FBXL18: variants seen among roughly 807,000 people sequenced by gnomAD.
FBXL18 encodes the protein F-box/LRR-repeat protein 18.
Under a neutral mutation model 46.0 loss-of-function variants are expected in FBXL18, and 36 were observed. The observed-to-expected ratio is 0.78, with a 90% CI of 0.60 to 1.03. FBXL18 has a LOEUF of 1.03. Ranked by LOEUF, FBXL18 falls within the 50% of genes least tolerant of loss-of-function variation. FBXL18 has a pLI of 0.00. For missense variants in FBXL18, 977 were observed against 1,004.1 expected (o/e 0.97, Z 0.36); for synonymous variants, 557 against 465.3 (o/e 1.20, Z -2.54).
rs781420503 is a variant in FBXL18, at chr7:5,501,479, C to T, written c.790G>A (p.Ala264Thr). The change falls in exon 3 of 5, where the codon GCC becomes ACC. Residue 264 changes from alanine (A) to threonine (T), a missense_variant. Physicochemically the swap from Ala to Thr is moderately conservative, Grantham distance 58 (BLOSUM62 0). Transcript: ENST00000382368. ...CTGCCAGGGACGGAGATGAGGAAGG[C>T]GTGGAGGTTCTGAGGAGTGCGGTCG... Reference protein sequence around the residue: ...LSDRTPQNLHAFLISVPGSFA... With the variant: ...LSDRTPQNLHTFLISVPGSFA... The T allele has an allele frequency of 6.8e-6, 11 of 1,613,622 alleles. No individual in the cohort carries two copies. Among genetic ancestry groups the T allele is most frequent in the Admixed American group, 5.0e-5 (3 of 59,992 alleles).
intron 4 of FBXL18, among the ~76,000 whole-genome samples, chr7:5,459,739 CAA>C (rs747295023): frequency 4.3e-5 from 4 of 92,418 alleles, no homozygotes; most frequent in Non-Finnish European, 7.2e-5. Context: ...GACTCCATCT[CAA>C]AAAAAAAAAA....
At position 5,468,369 on chromosome 7, in the gene FBXL18, G is replaced by C. The variant is rs1393294151; in HGVS notation, c.2001-20526C>G. Among the ~76,000 whole-genome samples, 6 of 152,230 alleles carry C rather than the reference G, an allele frequency of 3.9e-5. No homozygotes were observed. The East Asian group carries it at 9.6e-4, about 24-fold the overall frequency. On this transcript the variant is annotated intron_variant and NMD_transcript_variant, in intron 4 of 6. Coordinates refer to the FBXL18 transcript ENST00000415009. ...CCTGACCTCATGATCTGCCCGCCTT[G>C]GCCTCCCAAAGTGCTGGGATTACAG... is the stretch of plus-strand genomic sequence containing the variant.
intron 4 of FBXL18, among the ~76,000 whole-genome samples, chr7:5,469,027 C>T (rs1461402487): frequency 6.6e-6 from 1 of 151,890 alleles, no homozygotes; most frequent in African/African-American, 2.4e-5. Context: ...TGTGATGAGA[C>T]ATAGGAGACT....
rs1264552005 is a variant in FBXL18 at position 5,500,926 on chromosome 7, A to C, written c.1343T>G (p.Phe448Cys). ...QPAMHAVPRG[F>C]GKKVRVGVQS... ...CACGCCCACACGCACTTTCTTGCCA[A>C]AGCCGCGCGGCACTGCGTGCATGGC... Residue 448 changes from phenylalanine to cysteine, a missense_variant, in exon 3 of 5, where the codon TTT becomes TGT. Physicochemically the swap from Phe to Cys is radical, Grantham distance 205 (BLOSUM62 -2). Coordinates refer to ENST00000382368, the MANE Select transcript of FBXL18 (RefSeq NM_024963.6). 6.4e-7 allele frequency: 1 copy of C among 1,563,192 alleles called. No homozygotes were observed. Among genetic ancestry groups the C allele is most frequent in the Admixed American group, 1.9e-5 (1 of 51,704 alleles).
intron 4 of FBXL18, among the ~76,000 whole-genome samples, chr7:5,488,836 C>A (rs2128235199): frequency 6.6e-6 from 1 of 152,336 alleles, no homozygotes; most frequent in African/African-American, 2.4e-5. Flanking sequence ...GGTACCACAG[C>A]CTCACAGAGC....
At chr7:5,463,090 T>C (rs1783280090) in intron 4 of FBXL18, among the ~76,000 whole-genome samples, 1 of 145,766 alleles carries the variant, frequency 6.9e-6, no homozygotes. Flanking sequence ...ATCAAAAGTA[T>C]CATGAGATAC....
Position 5,510,553 on chromosome 7 carries a change from GT to G in FBXL18, c.18+3103del, listed in dbSNP as rs752975365. 4.6e-4 allele frequency among the ~76,000 whole-genome samples: 70 copies of G among 151,810 alleles called. 1 individual carries two copies. The highest frequency in any genetic ancestry group is 3.1e-4 in the Non-Finnish European group (21 of 67,954). Reference sequence around the variant, plus strand: ...AAAAATTAGCCAGGCATGGTGGCACGTGCCTATAGTCAGTCCCAGCTATTCA... The same window carrying G: ...AAAAATTAGCCAGGCATGGTGGCACGGCCTATAGTCAGTCCCAGCTATTCA... On this transcript the variant is annotated intron_variant, in intron 1 of 4. Transcript: ENST00000382368.
At chr7:5,468,479 G>A (rs1370625045) in intron 4 of FBXL18, among the ~76,000 whole-genome samples, 3 of 152,188 alleles carry the variant, frequency 2.0e-5, no homozygotes, top group Non-Finnish European at 2.9e-5. Context: ...AAATATTAAC[G>A]GATGCACTGC....
chr7:5,498,272 A>G (rs1370131343), intron 3 of FBXL18, among the ~76,000 whole-genome samples: 1 of 151,880 alleles, frequency 6.6e-6, no homozygotes, highest in Admixed American at 6.6e-5. Context: ...TATTTTTAGT[A>G]GAGACGGGTT....
At position 5,480,542 on chromosome 7, in the gene FBXL18, A is replaced by G. The variant is rs1584199491; in HGVS notation, c.*1233T>C. 1 of 45,082 alleles carries G rather than the reference A, an allele frequency of 2.2e-5. No homozygotes were observed. The highest frequency in any genetic ancestry group is 7.7e-4 in the South Asian group (1 of 1,302). The allele number at this position is 45,082 out of a possible 1,614,324, so 2.8% of individuals were successfully genotyped here. On this transcript the variant is annotated 3_prime_UTR_variant, in exon 5 of 5. Transcript: ENST00000382368. ...AAGTGTGTTGAATATATATATATAT[A>G]TATATATTTTTTTTTTTTTTTTTTT... is the stretch of plus-strand genomic sequence containing the variant.
In FBXL18 at chr7:5,488,763, G is replaced by A. The variant is rs564728062; in HGVS notation, c.2000+2468C>T. On this transcript the variant is annotated intron_variant, in intron 4 of 4. Coordinates refer to ENST00000382368, the MANE Select transcript of FBXL18 (RefSeq NM_024963.6). ...CCGAGGCTCTTCCCACATCTGACAGGACAGAGCTAGGGCGGAGCTGCCTGC... is the reference window on the plus strand; with the variant it reads ...CCGAGGCTCTTCCCACATCTGACAGAACAGAGCTAGGGCGGAGCTGCCTGC... Among the ~76,000 whole-genome samples the A allele has an allele frequency of 4.9e-3, 745 of 152,330 alleles. 6 individuals are homozygous for A. Among genetic ancestry groups the A allele is most frequent in the Non-Finnish European group, 7.5e-3 (510 of 68,018 alleles).
Position 5,468,495 on chromosome 7 carries a change from G to A in FBXL18, c.2001-20652C>T, listed in dbSNP as rs146379596. Among the ~76,000 whole-genome samples, 283 of 152,316 alleles carry A rather than the reference G, an allele frequency of 1.9e-3. 1 individual carries two copies. The highest frequency in any genetic ancestry group is 6.1e-3 in the African/African-American group (254 of 41,570). Reference sequence around the variant, plus strand: ...AATATTAACGGATGCACTGCCAGGCGGGTGAGAACGTGGGTGTGAACTATC... The same window carrying A: ...AATATTAACGGATGCACTGCCAGGCAGGTGAGAACGTGGGTGTGAACTATC... On this transcript the variant is annotated intron_variant and NMD_transcript_variant, in intron 4 of 6. Coordinates refer to the FBXL18 transcript ENST00000415009.
Position 5,501,762 on chromosome 7 carries a change from G to T in FBXL18, c.507C>A (p.Thr169=), listed in dbSNP as rs777359594. The T allele has an allele frequency of 2.3e-5, 36 of 1,559,342 alleles. No individual in the cohort carries two copies. The East Asian group carries it at 6.5e-4, about 28-fold the overall frequency. Reference sequence around the variant, plus strand: ...GCTTGAGCTCCCGCACGCGGCTCAGGGTGGCCTTGCACTCGCTGCTCAGCT... The same window carrying T: ...GCTTGAGCTCCCGCACGCGGCTCAGTGTGGCCTTGCACTCGCTGCTCAGCT... ...ASQLSSECKA[T]LSRVRELKQT... The change falls in exon 3 of 5, where the codon ACC becomes ACA. Residue 169 remains threonine (T), a synonymous_variant. Coordinates refer to ENST00000382368, the MANE Select transcript of FBXL18 (RefSeq NM_024963.6).
At chr7:5,464,128 G>A (rs1000004388) in intron 4 of FBXL18, among the ~76,000 whole-genome samples, 8 of 152,024 alleles carry the variant, frequency 5.3e-5, no homozygotes, top group African/African-American at 1.4e-4. Flanking sequence ...GGCGGATCAC[G>A]AGGCCAGGAG....
intron 1 of FBXL18, among the ~76,000 whole-genome samples, chr7:5,509,701 C>CAAA (rs761762119): frequency 3.1e-4 from 20 of 65,486 alleles, no homozygotes; most frequent in African/African-American, 5.7e-4. Flanking sequence ...GATTCCATCT[C>CAAA]AAAAAAAAAA....
intron 1 of FBXL18, among the ~76,000 whole-genome samples, chr7:5,510,302 C>CAAAAAAA (rs757878539): frequency 2.6e-5 from 2 of 77,600 alleles, no homozygotes; most frequent in Non-Finnish European, 4.8e-5. Context: ...GACTCTGTCT[C>CAAAAAAA]AAAAAAAAAA....
At chr7:5,498,560 G>C (rs991198897) in intron 3 of FBXL18, among the ~76,000 whole-genome samples, 2 of 151,770 alleles carry the variant, frequency 1.3e-5, no homozygotes, top group Non-Finnish European at 2.9e-5. Context: ...CGGCCCATTT[G>C]GGGTAATTTT....
Position 5,501,646 on chromosome 7 carries a change from C to G in FBXL18, c.623G>C (p.Arg208Pro). The change falls in exon 3 of 5, where the codon CGC becomes CCC. Residue 208 changes from arginine to proline, a missense_variant. Arg to Pro is a moderately radical substitution (Grantham distance 103). Coordinates refer to ENST00000382368, the MANE Select transcript of FBXL18 (RefSeq NM_024963.6). ...LLYFEILDRT[R>P]EGAILSGQLM... ...CTGGCCCGAGAGGATGGCGCCCTCG[C>G]GCGTGCGGTCCAGAATCTCGAAGTA... The G allele has an allele frequency of 6.2e-7, 1 of 1,612,686 alleles. No individual in the cohort carries two copies. The highest frequency in any genetic ancestry group is 2.2e-5 in the East Asian group (1 of 44,834).
At position 5,480,113 on chromosome 7, in the gene FBXL18, C is replaced by T. The variant is rs537048606; in HGVS notation, c.*1662G>A. 2.0e-5 allele frequency among the ~76,000 whole-genome samples: 3 copies of T among 152,292 alleles called. No individual in the cohort carries two copies. The highest frequency in any genetic ancestry group is 1.9e-4 in the East Asian group (1 of 5,182). On this transcript the variant is annotated 3_prime_UTR_variant, in exon 5 of 5. Transcript: ENST00000382368. ...AACCATCCCCACTCAGGGGCAGGGCCGGTGATTGGAGGCCTGGGGATGGTG... is the reference window on the plus strand; with the variant it reads ...AACCATCCCCACTCAGGGGCAGGGCTGGTGATTGGAGGCCTGGGGATGGTG...
Sources: allele counts gnomAD v4.1 joint callset (sites outside exome capture counted in the v4.1 genomes callset), GRCh38; gene constraint gnomAD v4.1.1; transcripts MANE v1.5; gene names NCBI Gene and HGNC (gene_info 2026-07-23, HGNC 2026-07-21).